Variants in SPMAP1 observed in about 807,000 individuals in gnomAD.
The protein encoded by SPMAP1 is uncharacterized protein C17orf98.
the SPMAP1 span, among the ~76,000 whole-genome samples, chr17:38,838,484 C>T: frequency 1.3e-3 from 191 of 152,106 alleles, 1 homozygote; most frequent in East Asian, 0.028. Flanking sequence ...CCTGTAATCC[C>T]AGCTACTCAG....
At chr17:38,837,720 C>T in the SPMAP1 span, among the ~76,000 whole-genome samples, 2 of 151,738 alleles carry the variant, frequency 1.3e-5, no homozygotes, top group African/African-American at 2.4e-5. Flanking sequence ...AAAGAAGAAC[C>T]TATTGCCTCT....
chr17:38,840,971 G>A, the SPMAP1 span, among the ~76,000 whole-genome samples: 4 of 152,126 alleles, frequency 2.6e-5, no homozygotes, highest in East Asian at 5.8e-4. Context: ...CCGGGAGGCG[G>A]AGGTTGCAGT....
At chr17:38,835,260 G>A in the SPMAP1 span, 32 of 1,614,046 alleles carry the variant, frequency 2.0e-5, no homozygotes, top group Non-Finnish European at 2.4e-5. Context: ...GTGTTCCTGC[G>A]GTAGCCAAAC....
At chr17:38,841,394 A>C in the SPMAP1 span, 1 of 1,613,704 alleles carries the variant, frequency 6.2e-7, no homozygotes, top group Non-Finnish European at 8.5e-7. Flanking sequence ...CGCCATCCCA[A>C]CCACCGTAGC....
the SPMAP1 span, among the ~76,000 whole-genome samples, chr17:38,836,684 G>A: frequency 1.2e-3 from 181 of 147,692 alleles, no homozygotes; most frequent in African/African-American, 4.2e-3. Flanking sequence ...TCCGCCTCCC[G>A]GGTTCAAGCA....
the SPMAP1 span, among the ~76,000 whole-genome samples, chr17:38,836,609 G>A: frequency 1.3e-5 from 1 of 79,864 alleles, no homozygotes; most frequent in African/African-American, 5.2e-5. Context: ...TTTTTTTTTT[G>A]AGATGGAGTC....
the SPMAP1 span, among the ~76,000 whole-genome samples, chr17:38,839,331 G>A: frequency 6.6e-6 from 1 of 151,338 alleles, no homozygotes; most frequent in South Asian, 2.1e-4. Flanking sequence ...GCAACATGGT[G>A]AAACCCTGTC....
the SPMAP1 span, chr17:38,841,157 T>C: frequency 3.8e-6 from 6 of 1,581,184 alleles, no homozygotes; most frequent in African/African-American, 6.7e-5. Context: ...GGGAGGTGTG[T>C]GGGGTCTTCC....
chr17:38,836,676 C>T, the SPMAP1 span, among the ~76,000 whole-genome samples: 127 of 150,478 alleles, frequency 8.4e-4, no homozygotes, highest in East Asian at 1.4e-3. Flanking sequence ...CTGCAACCTC[C>T]GCCTCCCGGG....
At chr17:38,836,536 A>G in the SPMAP1 span, among the ~76,000 whole-genome samples, 3 of 149,920 alleles carry the variant, frequency 2.0e-5, no homozygotes, top group African/African-American at 7.4e-5. Context: ...GGAGGTCAAG[A>G]CTGCAGTGAG....
At chr17:38,841,222 C>A in the SPMAP1 span, 1 of 1,614,176 alleles carries the variant, frequency 6.2e-7, no homozygotes, top group Non-Finnish European at 8.5e-7. Flanking sequence ...CCACGTGACT[C>A]TGGAAGTAGC....
the SPMAP1 span, chr17:38,841,280 C>A: frequency 6.2e-7 from 1 of 1,614,188 alleles, no homozygotes; most frequent in Non-Finnish European, 8.5e-7. Context: ...AATCGCCGAC[C>A]ACAGCTTGGG....
the SPMAP1 span, among the ~76,000 whole-genome samples, chr17:38,836,177 G>A: frequency 4.6e-5 from 7 of 152,174 alleles, no homozygotes; most frequent in South Asian, 1.5e-3. Context: ...GCCTCCCAAA[G>A]TGCTGGGATT....
the SPMAP1 span, chr17:38,841,398 C>T: frequency 1.2e-6 from 2 of 1,613,500 alleles, no homozygotes; most frequent in East Asian, 2.2e-5. Context: ...ATCCCAACCA[C>T]CGTAGCCTCG....
chr17:38,837,187 G>A, the SPMAP1 span: 35 of 1,613,828 alleles, frequency 2.2e-5, no homozygotes, highest in African/African-American at 2.1e-4. Context: ...GTCCTTGCCC[G>A]AAGATGTGGA....
At chr17:38,837,873 G>A in the SPMAP1 span, among the ~76,000 whole-genome samples, 3 of 151,842 alleles carry the variant, frequency 2.0e-5, no homozygotes, top group African/African-American at 2.4e-5. Flanking sequence ...TTTTCCCATC[G>A]GTAAAAGGAG....
the SPMAP1 span, among the ~76,000 whole-genome samples, chr17:38,839,774 T>C: frequency 6.6e-6 from 1 of 151,638 alleles, no homozygotes; most frequent in South Asian, 2.1e-4. Flanking sequence ...CACTCCAGCC[T>C]GGGCGACAGA....
chr17:38,839,467 CAAAAA>C, the SPMAP1 span, among the ~76,000 whole-genome samples: 1 of 124,904 alleles, frequency 8.0e-6, no homozygotes, highest in African/African-American at 3.1e-5. Flanking sequence ...GACCCTGTCT[CAAAAA>C]AAAAAAAAAA....
At chr17:38,837,133 G>T in the SPMAP1 span, 1 of 1,596,120 alleles carries the variant, frequency 6.3e-7, no homozygotes, top group South Asian at 1.1e-5. Context: ...AATGGAGGCA[G>T]CACTTGCCTG....
Sources: gnomAD v4.1 joint callset for allele counts (sites outside exome capture counted in the v4.1 genomes callset) on GRCh38, gnomAD v4.1.1 for gene constraint, MANE v1.5 for transcripts, NCBI Gene and HGNC (gene_info 2026-07-23, HGNC 2026-07-21) for gene names.